Variants in CHODL observed in about 807,000 individuals in gnomAD.
The protein encoded by CHODL is chondrolectin, also known as transmembrane protein MT75.
CHODL carries 29 observed loss-of-function variants against 34.5 expected under a neutral mutation model. The observed-to-expected ratio is 0.84, with a 90% CI of 0.63 to 1.15. The LOEUF (loss-of-function observed/expected upper bound fraction) is 1.15, where lower values mean the gene tolerates loss of function less well. CHODL is among the 50% of genes most tolerant of loss of function. CHODL has a pLI of 0.00. For missense variants in CHODL, 332 were observed against 332.5 expected, an observed-to-expected ratio of 1.00 and a Z score of 0.01; for synonymous variants, 125 against 116.1, an observed-to-expected ratio of 1.08 and a Z score of -0.49.
chr21:18,031,819 G>C (rs969969844), intron 2 of CHODL, among the ~76,000 whole-genome samples: 2 of 152,066 alleles, frequency 1.3e-5, no homozygotes, highest in African/African-American at 4.8e-5. Context: ...CAAAGGGATC[G>C]ATCCAATGAC....
chr21:18,172,608 T>C (rs1407960833), intron 2 of CHODL, among the ~76,000 whole-genome samples: 1 of 152,118 alleles, frequency 6.6e-6, no homozygotes, highest in Non-Finnish European at 1.5e-5. Flanking sequence ...TTCAAATTGG[T>C]ACTATTTTGG....
chr21:18,110,114 A>G (rs939422074), intron 2 of CHODL, among the ~76,000 whole-genome samples: 8 of 152,184 alleles, frequency 5.3e-5, no homozygotes, highest in African/African-American at 1.9e-4. Flanking sequence ...TAGCTTTGCT[A>G]TTATTTGAAT....
At chr21:18,139,572 C>T (rs1270677491) in intron 2 of CHODL, among the ~76,000 whole-genome samples, 1 of 152,046 alleles carries the variant, frequency 6.6e-6, no homozygotes, top group African/African-American at 2.4e-5. Context: ...ACCATGACCT[C>T]CTAGCTGACC....
intron 2 of CHODL, among the ~76,000 whole-genome samples, chr21:18,216,130 T>C (rs2073825734): frequency 1.3e-5 from 2 of 152,178 alleles, no homozygotes; most frequent in Admixed American, 1.3e-4. Context: ...TTCTTGTTTT[T>C]TTATGGTTTG....
rs568029938 is a variant in CHODL, at chr21:18,266,888, C to T, written c.*850C>T. On this transcript the variant is annotated 3_prime_UTR_variant, in exon 6 of 6. Coordinates refer to ENST00000299295, the MANE Select transcript of CHODL (RefSeq NM_024944.3). ...ACAATATAAATCATATGTCTTCACA[C>T]GTTGCCTATATAATGAGAAGCAGCT... 21 of 152,604 alleles carry T rather than the reference C, an allele frequency of 1.4e-4. No homozygotes were observed. The highest frequency in any genetic ancestry group is 4.8e-4 in the African/African-American group (20 of 41,562). 9.5% of individuals were successfully genotyped at this position (152,604 alleles called of 1,614,324 possible).
intron 1 of CHODL, among the ~76,000 whole-genome samples, chr21:18,024,064 G>GT (rs973835043): frequency 2.6e-4 from 40 of 152,116 alleles, no homozygotes; most frequent in African/African-American, 8.4e-4. Flanking sequence ...TGACATGAGT[G>GT]TTTTTTATTT....
At chr21:18,262,032 TTAA>T (rs59086838) in intron 4 of CHODL, among the ~76,000 whole-genome samples, 2,541 of 152,106 alleles carry the variant, frequency 0.017, 68 homozygotes, top group African/African-American at 0.058. Flanking sequence ...ATTATTATTT[TTAA>T]TAATAAGTAC....
At chr21:18,115,535 C>G (rs2065401802) in intron 2 of CHODL, among the ~76,000 whole-genome samples, 1 of 152,176 alleles carries the variant, frequency 6.6e-6, no homozygotes, top group South Asian at 2.1e-4. Context: ...AACTTGTAGA[C>G]AGCCAAACAC....
chr21:18,108,812 T>A (rs2065308156), intron 2 of CHODL, among the ~76,000 whole-genome samples: 1 of 151,180 alleles, frequency 6.6e-6, no homozygotes, highest in Non-Finnish European at 1.5e-5. Flanking sequence ...TTATAGTTTT[T>A]TCTCAGATTC....
intron 1 of CHODL, among the ~76,000 whole-genome samples, chr21:17,963,197 C>G (rs571517514): frequency 1.3e-5 from 2 of 152,236 alleles, no homozygotes; most frequent in African/African-American, 4.8e-5. Flanking sequence ...ACCAGAGATT[C>G]CATTCTAGCC....
At chr21:18,250,894 C>T (rs1368475863) in intron 1 of CHODL, among the ~76,000 whole-genome samples, 1 of 151,456 alleles carries the variant, frequency 6.6e-6, no homozygotes, top group Non-Finnish European at 1.5e-5. Context: ...AATTGAACAG[C>T]AGGAATTTGT....
intron 1 of CHODL, among the ~76,000 whole-genome samples, chr21:17,933,318 A>G (rs915576011): frequency 3.3e-5 from 5 of 152,184 alleles, no homozygotes; most frequent in Non-Finnish European, 7.3e-5. Context: ...CCACAAGGCC[A>G]TATTTCAGAC....
intron 2 of CHODL, among the ~76,000 whole-genome samples, chr21:18,212,352 A>G (rs1387649545): frequency 2.0e-5 from 3 of 152,166 alleles, no homozygotes; most frequent in Non-Finnish European, 2.9e-5. Flanking sequence ...TGAACCACAC[A>G]TCATAGTTTG....
At chr21:17,922,460 G>A (rs1447175072) in intron 1 of CHODL, among the ~76,000 whole-genome samples, 1 of 152,166 alleles carries the variant, frequency 6.6e-6, no homozygotes, top group African/African-American at 2.4e-5. Flanking sequence ...CAAAATAGAT[G>A]AGGCTGAAGA....
At chr21:18,102,654 A>G (rs1296022476) in intron 2 of CHODL, among the ~76,000 whole-genome samples, 2 of 152,218 alleles carry the variant, frequency 1.3e-5, no homozygotes, top group African/African-American at 4.8e-5. Flanking sequence ...AGAAATACCT[A>G]TTGCTCTTTA....
At chr21:17,963,272 G>T (rs1254793374) in intron 1 of CHODL, among the ~76,000 whole-genome samples, 1 of 152,034 alleles carries the variant, frequency 6.6e-6, no homozygotes, top group Non-Finnish European at 1.5e-5. Flanking sequence ...CTTCTGTTTT[G>T]CCGGTAATTA....
chr21:18,165,259 A>G (rs1254274658), intron 2 of CHODL, among the ~76,000 whole-genome samples: 1 of 152,230 alleles, frequency 6.6e-6, no homozygotes, highest in Non-Finnish European at 1.5e-5. Flanking sequence ...AGAAAAAATC[A>G]CCATCACAAA....
intron 2 of CHODL, among the ~76,000 whole-genome samples, chr21:18,083,651 G>T (rs543191869): frequency 6.6e-6 from 1 of 152,352 alleles, no homozygotes; most frequent in South Asian, 2.1e-4. Flanking sequence ...GTGAGACATG[G>T]AGTCCAAGGA....
chr21:18,012,593 T>G (rs946712458), intron 1 of CHODL, among the ~76,000 whole-genome samples: 6 of 152,222 alleles, frequency 3.9e-5, no homozygotes, highest in Non-Finnish European at 8.8e-5. Flanking sequence ...TCGGGTTTAT[T>G]AATTATTAGG....
Sources: allele counts gnomAD v4.1 joint callset (sites outside exome capture counted in the v4.1 genomes callset), GRCh38; gene constraint gnomAD v4.1.1; transcripts MANE v1.5; gene names NCBI Gene and HGNC (gene_info 2026-07-23, HGNC 2026-07-21).